ANK3: variants seen among roughly 807,000 people sequenced by gnomAD.
ANK3 encodes ankyrin 3, also known as ankyrin-3.
In ANK3, 57 loss-of-function variants were observed where a neutral mutation model predicts 370.9. That is an observed-to-expected ratio of 0.15 (90% CI 0.12 to 0.19). The LOEUF is 0.19. ANK3 is among the 10% of genes least tolerant of loss of function. The pLI is 1.00. For synonymous variants in ANK3, 1,929 were observed against 1,946.3 expected, an observed-to-expected ratio of 0.99 and a Z score of 0.23; for missense variants, 4,439 against 5,302.1, an observed-to-expected ratio of 0.84 and a Z score of 5.06.
intron 42 of ANK3, chr10:60,043,030 AT>A (rs2076385423): frequency 1.7e-5 from 21 of 1,207,706 alleles, no homozygotes; most frequent in Non-Finnish European, 2.2e-5. Context: ...CGAGCAGCCT[AT>A]CCATTTCCTA....
At chr10:60,221,089 T>TC (rs1020079276) in intron 8 of ANK3, among the ~76,000 whole-genome samples, 147 of 151,748 alleles carry the variant, frequency 9.7e-4, no homozygotes, top group African/African-American at 3.4e-3. Flanking sequence ...TTTGCCTTTT[T>TC]TTTTTTTTGA....
At chr10:60,094,060 G>A (rs757518378) in intron 28 of ANK3, among the ~76,000 whole-genome samples, 3 of 152,080 alleles carry the variant, frequency 2.0e-5, no homozygotes, top group Non-Finnish European at 4.4e-5. Flanking sequence ...AGGCACTGCT[G>A]TAGGCAAGGG....
At chr10:60,489,299 C>T (rs1444692005) in intron 2 of ANK3, among the ~76,000 whole-genome samples, 1 of 152,146 alleles carries the variant, frequency 6.6e-6, no homozygotes, top group African/African-American at 2.4e-5. Context: ...ATTGATACAT[C>T]CCAAGTGCCC....
At chr10:60,045,596 G>A (rs2076817227) in intron 42 of ANK3, among the ~76,000 whole-genome samples, 1 of 152,222 alleles carries the variant, frequency 6.6e-6, no homozygotes, top group Non-Finnish European at 1.5e-5. Context: ...TGATCTGTCA[G>A]TCAAACTTCT....
chr10:60,638,933 A>G (rs544112548), intron 1 of ANK3, among the ~76,000 whole-genome samples: 2 of 80,158 alleles, frequency 2.5e-5, no homozygotes, highest in African/African-American at 8.0e-5. Context: ...GTAGTCTCAA[A>G]GAAAGGGGGG....
At chr10:60,533,200 G>A (rs1892547) in intron 2 of ANK3, among the ~76,000 whole-genome samples, 102,405 of 151,872 alleles carry the variant, frequency 0.67, 35,000 homozygotes, top group South Asian at 0.87. Flanking sequence ...AAGGCACAGC[G>A]GCTCCCTGGT....
At chr10:60,565,823 C>T (rs1179525259) in intron 2 of ANK3, among the ~76,000 whole-genome samples, 1 of 152,210 alleles carries the variant, frequency 6.6e-6, no homozygotes, top group Admixed American at 6.5e-5. Context: ...CCACTCCCTC[C>T]TTTCTGCCAC....
intron 2 of ANK3, among the ~76,000 whole-genome samples, chr10:60,516,422 A>G (rs1208681858): frequency 2.0e-5 from 3 of 152,120 alleles, no homozygotes; most frequent in African/African-American, 7.2e-5. Context: ...AGAGAGGGAC[A>G]GAGTGGTGGG....
Position 60,693,780 on chromosome 10 carries a change from T to A in ANK3, c.57+39483A>T, listed in dbSNP as rs571440102. 2.6e-5 allele frequency among the ~76,000 whole-genome samples: 4 copies of A among 152,068 alleles called. No homozygotes were observed. The East Asian group carries it at 7.8e-4, about 29-fold the overall frequency. On this transcript the variant is annotated intron_variant, in intron 1 of 43. Coordinates refer to the ANK3 transcript ENST00000373827. ...ACCATCATCAAAGACCAAAAGTAGA[T>A]AAAACCACAAAGATGGGGAAAAACA...
At chr10:60,103,662 A>C (rs1210854558) in intron 28 of ANK3, among the ~76,000 whole-genome samples, 1 of 152,210 alleles carries the variant, frequency 6.6e-6, no homozygotes, top group African/African-American at 2.4e-5. Flanking sequence ...TAAGTTTAAT[A>C]CATGAAGAAA....
intron 2 of ANK3, among the ~76,000 whole-genome samples, chr10:60,528,826 A>C (rs1284568343): frequency 6.6e-6 from 1 of 152,146 alleles, no homozygotes. Flanking sequence ...CCTGGGGGAC[A>C]AAAATCATCT....
chr10:60,251,086 T>C (rs2097657009), intron 7 of ANK3, among the ~76,000 whole-genome samples: 1 of 152,226 alleles, frequency 6.6e-6, no homozygotes, highest in Non-Finnish European at 1.5e-5. Context: ...AAAATGGAAA[T>C]CATATCCACA....
intron 1 of ANK3, among the ~76,000 whole-genome samples, chr10:60,666,192 A>G (rs1478821538): frequency 1.3e-5 from 2 of 152,234 alleles, no homozygotes; most frequent in Non-Finnish European, 1.5e-5. Flanking sequence ...GATAAATAAA[A>G]TGTGGAATGG....
intron 2 of ANK3, among the ~76,000 whole-genome samples, chr10:60,545,138 G>A (rs1016807496): frequency 2.9e-5 from 2 of 68,856 alleles, no homozygotes; most frequent in African/African-American, 1.0e-4. Flanking sequence ...AGGGTGGGAA[G>A]AGGATTGATA....
chr10:60,272,008 G>A (rs961076120), intron 4 of ANK3, among the ~76,000 whole-genome samples: 2 of 151,484 alleles, frequency 1.3e-5, no homozygotes, highest in African/African-American at 4.9e-5. Flanking sequence ...TATCTCTGGA[G>A]CCCACTGTTA....
At chr10:60,651,094 A>AAT (rs1215391641) in intron 1 of ANK3, among the ~76,000 whole-genome samples, 8 of 152,102 alleles carry the variant, frequency 5.3e-5, no homozygotes, top group Non-Finnish European at 1.0e-4. Flanking sequence ...AATCTAAAAC[A>AAT]ATATATATAT....
Position 60,253,150 on chromosome 10 carries a change from A to T in ANK3, c.798+8709T>A, listed in dbSNP as rs552121873. Among the ~76,000 whole-genome samples the T allele has an allele frequency of 4.6e-5, 7 of 152,136 alleles. No individual in the cohort carries two copies. The South Asian group carries it at 1.0e-3, about 23-fold the overall frequency. ...TTTACTTTGCCACTGTCCCATATGT[A>T]CTCTATTGTGAAAGGGGGAGGGAAG... On this transcript the variant is annotated intron_variant, in intron 7 of 43. Coordinates refer to ENST00000280772, the MANE Select transcript of ANK3 (RefSeq NM_020987.5).
chr10:60,307,645 T>C (rs972880417), intron 1 of ANK3, among the ~76,000 whole-genome samples: 63 of 152,246 alleles, frequency 4.1e-4, no homozygotes, highest in African/African-American at 1.2e-3. Context: ...TGGCCTATGA[T>C]GTACTTTTAA....
intron 1 of ANK3, among the ~76,000 whole-genome samples, chr10:60,678,849 A>G (rs1477563386): frequency 6.6e-6 from 1 of 152,168 alleles, no homozygotes; most frequent in Non-Finnish European, 1.5e-5. Flanking sequence ...TACACCAACC[A>G]TAGGCTTAAC....
Sources: allele counts gnomAD v4.1 joint callset (sites outside exome capture counted in the v4.1 genomes callset), GRCh38; gene constraint gnomAD v4.1.1; transcripts MANE v1.5; gene names NCBI Gene and HGNC (gene_info 2026-07-23, HGNC 2026-07-21).